ALK: variants seen among roughly 807,000 people sequenced by gnomAD.
ALK encodes ALK receptor tyrosine kinase, also known as ALK tyrosine kinase receptor.
Under a neutral mutation model 163.1 loss-of-function variants are expected in ALK, and 74 were observed. The ratio of observed to expected loss-of-function variants is 0.45; its 90% CI spans 0.38 to 0.55. The LOEUF (loss-of-function observed/expected upper bound fraction) is 0.55, where lower values mean the gene tolerates loss of function less well. ALK is among the 20% of genes least tolerant of loss of function. The pLI, the probability that ALK is intolerant of heterozygous loss-of-function variation, is 0.00. For synonymous variants in ALK, 960 were observed against 843.2 expected, an observed-to-expected ratio of 1.14 and a Z score of -2.40; for missense variants, 2,063 against 2,105.3, an observed-to-expected ratio of 0.98 and a Z score of 0.39.
intron 3 of ALK, among the ~76,000 whole-genome samples, chr2:29,643,411 T>C (rs995771401): frequency 3.3e-5 from 5 of 152,196 alleles, no homozygotes; most frequent in Non-Finnish European, 7.3e-5. Flanking sequence ...TGGAGAGTTT[T>C]TAATTTTAGT....
At chr2:29,285,263 T>C (rs1665822376) in intron 9 of ALK, among the ~76,000 whole-genome samples, 1 of 63,786 alleles carries the variant, frequency 1.6e-5, no homozygotes, top group Admixed American at 2.0e-4. Flanking sequence ...TCTTATTTTT[T>C]CTTCTTTTTT....
chr2:29,404,029 C>T (rs1309714735), intron 4 of ALK, among the ~76,000 whole-genome samples: 1 of 152,110 alleles, frequency 6.6e-6, no homozygotes, highest in Non-Finnish European at 1.5e-5. Context: ...GTAGGCCGGG[C>T]ATGTTAGCTC....
chr2:29,447,514 A>G (rs568481023), intron 4 of ALK, among the ~76,000 whole-genome samples: 2 of 152,344 alleles, frequency 1.3e-5, no homozygotes, highest in East Asian at 3.9e-4. Context: ...GATTGCCCCA[A>G]TGTGCAAAAT....
chr2:29,779,810 C>G (rs984759975), intron 1 of ALK, among the ~76,000 whole-genome samples: 2 of 152,320 alleles, frequency 1.3e-5, no homozygotes, highest in East Asian at 1.9e-4. Flanking sequence ...GTGTAAAAAG[C>G]TCAGTGCTTG....
At chr2:29,668,583 T>A (rs1009320192) in intron 3 of ALK, among the ~76,000 whole-genome samples, 1 of 152,070 alleles carries the variant, frequency 6.6e-6, no homozygotes, top group East Asian at 1.9e-4. Flanking sequence ...CTTATTAGAG[T>A]TTTATCCCAT....
chr2:29,631,408 G>T (rs1025361551), intron 3 of ALK, among the ~76,000 whole-genome samples: 7 of 152,154 alleles, frequency 4.6e-5, no homozygotes, highest in Admixed American at 4.6e-4. Context: ...TCTGCTTCTG[G>T]CTCTACTAAT....
intron 4 of ALK, among the ~76,000 whole-genome samples, chr2:29,468,270 A>G (rs1341899531): frequency 6.6e-6 from 1 of 152,146 alleles, no homozygotes; most frequent in African/African-American, 2.4e-5. Flanking sequence ...ACAGTGATCC[A>G]CCCACCTCGG....
intron 1 of ALK, among the ~76,000 whole-genome samples, chr2:29,806,976 C>A (rs1375499326): frequency 6.6e-6 from 1 of 152,232 alleles, no homozygotes; most frequent in Non-Finnish European, 1.5e-5. Flanking sequence ...CGCACATACA[C>A]ACACACCATA....
chr2:29,395,684 A>G (rs11127219), intron 4 of ALK, among the ~76,000 whole-genome samples: 137,586 of 152,204 alleles, frequency 0.9, 62,469 homozygotes, highest in Middle Eastern at 0.98. Flanking sequence ...TGTCCATAAC[A>G]GAATTCTCTG....
At chr2:29,777,143 T>G (rs1014134668) in intron 1 of ALK, among the ~76,000 whole-genome samples, 3 of 152,212 alleles carry the variant, frequency 2.0e-5, no homozygotes, top group Non-Finnish European at 2.9e-5. Context: ...CAGGGGCTCA[T>G]ACACTAAACT....
Position 29,371,485 on chromosome 2 carries a change from G to C in ALK, c.1282+12247C>G, listed in dbSNP as rs369792876. Among the ~76,000 whole-genome samples, 3 of 152,114 alleles carry C rather than the reference G, an allele frequency of 2.0e-5. No homozygotes were observed. In the South Asian group the frequency reaches 6.2e-4, roughly 32 times the overall value. On this transcript the variant is annotated intron_variant, in intron 5 of 28. Transcript: ENST00000389048. Reference sequence around the variant, plus strand: ...GTAGGGAGGAAGTAAAATGTCTCCAGGATCTTCAGCTAAAGGTTCAGTCCT... The same window carrying C: ...GTAGGGAGGAAGTAAAATGTCTCCACGATCTTCAGCTAAAGGTTCAGTCCT...
chr2:29,324,717 A>G (rs945938100), intron 6 of ALK, among the ~76,000 whole-genome samples: 1 of 152,196 alleles, frequency 6.6e-6, no homozygotes, highest in African/African-American at 2.4e-5. Context: ...ATTGGTCAGA[A>G]CGCAGAGAGA....
At chr2:29,204,067 T>C (rs1669253902) in intron 26 of ALK, among the ~76,000 whole-genome samples, 1 of 152,196 alleles carries the variant, frequency 6.6e-6, no homozygotes, top group Non-Finnish European at 1.5e-5. Flanking sequence ...TCCATCCTTT[T>C]CATTGCATTT....
rs368744524 is a variant in ALK at position 29,197,570 on chromosome 2, C to G, written c.4045G>C (p.Asp1349His). The G allele has an allele frequency of 1.9e-6, 3 of 1,613,604 alleles. No individual in the cohort carries two copies. In the African/African-American group the frequency reaches 4.0e-5, roughly 22 times the overall value. ...GGCCCAGGGCAGTTCTTGGGTGGGT[C>G]CATCCGGCCTCCACTGGTGACAAAC... ...LEFVTSGGRM[D>H]PPKNCPGPVY... is the part of the protein sequence containing the mutation. Residue 1349 changes from aspartate to histidine, a missense_variant, in exon 27 of 29, where the codon GAC (aspartate) becomes CAC (histidine). Coordinates refer to ENST00000389048, the MANE Select transcript of ALK (RefSeq NM_004304.5).
At chr2:29,729,285 T>C (rs1045265210) in intron 1 of ALK, among the ~76,000 whole-genome samples, 2 of 152,050 alleles carry the variant, frequency 1.3e-5, no homozygotes, top group Non-Finnish European at 2.9e-5. Flanking sequence ...CTCTCTTTAT[T>C]TTGCTTTAAA....
chr2:29,548,940 C>A (rs975893118), intron 3 of ALK, among the ~76,000 whole-genome samples: 4 of 152,008 alleles, frequency 2.6e-5, no homozygotes, highest in African/African-American at 4.8e-5. Context: ...CTCTTAAGAT[C>A]AGTGTTTCTC....
intron 5 of ALK, among the ~76,000 whole-genome samples, chr2:29,330,188 A>G (rs1206871464): frequency 6.6e-6 from 1 of 152,152 alleles, no homozygotes; most frequent in African/African-American, 2.4e-5. Flanking sequence ...CTGCTCTTCA[A>G]GGTCCCTGTG....
At chr2:29,826,800 C>T (rs1341568009) in intron 1 of ALK, among the ~76,000 whole-genome samples, 1 of 152,218 alleles carries the variant, frequency 6.6e-6, no homozygotes, top group Non-Finnish European at 1.5e-5. Context: ...AAGAGAGCAT[C>T]ATGTGGTTTA....
At chr2:29,892,868 C>T (rs1667180202) in intron 1 of ALK, among the ~76,000 whole-genome samples, 1 of 152,200 alleles carries the variant, frequency 6.6e-6, no homozygotes, top group Non-Finnish European at 1.5e-5. Flanking sequence ...TGTGGATACT[C>T]AGAATGATCT....
Sources: gnomAD v4.1 joint callset for allele counts (sites outside exome capture counted in the v4.1 genomes callset) on GRCh38, gnomAD v4.1.1 for gene constraint, MANE v1.5 for transcripts, NCBI Gene and HGNC (gene_info 2026-07-23, HGNC 2026-07-21) for gene names.